Variants in GABRB1 observed in about 807,000 individuals in gnomAD.
The protein encoded by GABRB1 is gamma-aminobutyric acid type A receptor subunit beta1, also known as gamma-aminobutyric acid receptor subunit beta-1.
GABRB1 carries 17 observed loss-of-function variants against 51.6 expected under a neutral mutation model. The observed-to-expected ratio is 0.33, with a 90% CI of 0.23 to 0.49. GABRB1 has a LOEUF of 0.49. Ranked by LOEUF, GABRB1 falls within the 20% of genes least tolerant of loss-of-function variation. GABRB1 has a pLI of 0.99. For missense variants in GABRB1, 410 were observed against 600.6 expected (o/e 0.68, Z 3.32); for synonymous variants, 247 against 218.9 (o/e 1.13, Z -1.14).
At chr4:47,092,596 A>G (rs971480170) in intron 3 of GABRB1, among the ~76,000 whole-genome samples, 1 of 149,974 alleles carries the variant, frequency 6.7e-6, no homozygotes, top group African/African-American at 2.5e-5. Flanking sequence ...ATCAGTTGGC[A>G]TCCAGTTTCT....
At chr4:47,265,318 A>G (rs1339817829) in intron 4 of GABRB1, among the ~76,000 whole-genome samples, 1 of 152,170 alleles carries the variant, frequency 6.6e-6, no homozygotes, top group African/African-American at 2.4e-5. Flanking sequence ...CATGATATAT[A>G]TATATACATA....
At chr4:47,347,361 C>T (rs746036122) in intron 5 of GABRB1, among the ~76,000 whole-genome samples, 22 of 152,046 alleles carry the variant, frequency 1.4e-4, no homozygotes, top group Non-Finnish European at 2.5e-4. Flanking sequence ...TTCATTAATT[C>T]AGCCACATGA....
At position 47,162,798 on chromosome 4, in the gene GABRB1, C is replaced by A. The variant is rs1157824358; in HGVS notation, c.461+1329C>A. 3.3e-5 allele frequency among the ~76,000 whole-genome samples: 5 copies of A among 152,200 alleles called. No individual in the cohort carries two copies. In the South Asian group the frequency reaches 6.2e-4, roughly 19 times the overall value. ...TCAGGTTGTGCACCACTGCTTTAATCCCTTCGGAGCCAACCCAGTTCTTTG... is the reference window on the plus strand; with the variant it reads ...TCAGGTTGTGCACCACTGCTTTAATACCTTCGGAGCCAACCCAGTTCTTTG... On this transcript the variant is annotated intron_variant, in intron 4 of 8. Transcript: ENST00000295454.
intron 4 of GABRB1, among the ~76,000 whole-genome samples, chr4:47,234,646 A>G (rs1342838150): frequency 2.0e-5 from 3 of 152,206 alleles, no homozygotes; most frequent in African/African-American, 7.2e-5. Flanking sequence ...TATTGATGGT[A>G]AAACTGCCAT....
chr4:47,189,028 G>T (rs1217489816), intron 4 of GABRB1, among the ~76,000 whole-genome samples: 2 of 151,976 alleles, frequency 1.3e-5, no homozygotes, highest in Admixed American at 6.6e-5. Context: ...AGAAATAACT[G>T]CAGTTTAATG....
At chr4:47,395,022 C>T (rs1187121251) in intron 5 of GABRB1, among the ~76,000 whole-genome samples, 1 of 152,086 alleles carries the variant, frequency 6.6e-6, no homozygotes, top group African/African-American at 2.4e-5. Context: ...AAGGCTACCC[C>T]CTGCAATCCT....
rs144532495 is a variant in GABRB1 at position 47,425,791 on chromosome 4, G to T, written c.1198G>T (p.Ala400Ser). The change falls in exon 9 of 9, where the codon GCC (alanine) becomes TCC (serine). Residue 400 changes from alanine to serine, a missense_variant. Transcript: ENST00000295454. ...PKATMYSYDS[A>S]SIQYRKPLSS... ...GGCCACCATGTACTCCTATGACAGC[G>T]CCAGCATCCAGTACCGCAAGCCCCT... 1.9e-6 allele frequency: 3 copies of T among 1,613,992 alleles called. No homozygotes were observed. The African/African-American group carries it at 4.0e-5, about 22-fold the overall frequency.
At chr4:47,380,356 C>G (rs1727551025) in intron 5 of GABRB1, among the ~76,000 whole-genome samples, 1 of 152,106 alleles carries the variant, frequency 6.6e-6, no homozygotes, top group African/African-American at 2.4e-5. Context: ...AAAGAATTCC[C>G]AGGAGCACTG....
chr4:47,332,175 C>T (rs7683676), intron 5 of GABRB1, among the ~76,000 whole-genome samples: 4 of 152,024 alleles, frequency 2.6e-5, no homozygotes, highest in Non-Finnish European at 5.9e-5. Flanking sequence ...TTTAGAATAA[C>T]AATTATTTTG....
intron 4 of GABRB1, among the ~76,000 whole-genome samples, chr4:47,253,949 G>T (rs1214552559): frequency 6.6e-6 from 1 of 152,128 alleles, no homozygotes; most frequent in African/African-American, 2.4e-5. Context: ...CCATAAAATG[G>T]ATAACATCTC....
chr4:47,340,373 C>G (rs4695218), intron 5 of GABRB1, among the ~76,000 whole-genome samples: 115 of 150,214 alleles, frequency 7.7e-4, no homozygotes, highest in African/African-American at 2.7e-3. Flanking sequence ...AATGGCCTTT[C>G]CTCCACCATG....
intron 3 of GABRB1, among the ~76,000 whole-genome samples, chr4:47,109,636 C>T (rs899989403): frequency 3.4e-4 from 52 of 151,956 alleles, no homozygotes; most frequent in Admixed American, 3.3e-3. Flanking sequence ...AGGTTTTGGA[C>T]ATTTTGAATT....
chr4:47,205,246 G>A (rs1350632357), intron 4 of GABRB1, among the ~76,000 whole-genome samples: 3 of 152,096 alleles, frequency 2.0e-5, no homozygotes, highest in South Asian at 2.1e-4. Flanking sequence ...TAGAAAGAAG[G>A]CACTAATATA....
intron 3 of GABRB1, among the ~76,000 whole-genome samples, chr4:47,082,619 A>C (rs1727895610): frequency 6.6e-6 from 1 of 152,100 alleles, no homozygotes; most frequent in African/African-American, 2.4e-5. Flanking sequence ...AATGGGCTGG[A>C]AATCTATGGT....
chr4:47,253,759 A>G (rs1722078600), intron 4 of GABRB1, among the ~76,000 whole-genome samples: 1 of 152,236 alleles, frequency 6.6e-6, no homozygotes, highest in African/African-American at 2.4e-5. Flanking sequence ...CAGAAAAACT[A>G]ATAAAGGGAC....
At chr4:47,228,751 C>A (rs1323527266) in intron 4 of GABRB1, among the ~76,000 whole-genome samples, 4 of 152,078 alleles carry the variant, frequency 2.6e-5, no homozygotes, top group African/African-American at 9.7e-5. Flanking sequence ...TGATCTCGAG[C>A]TCTCAGAGTT....
intron 5 of GABRB1, among the ~76,000 whole-genome samples, chr4:47,350,284 TATAG>T (rs1391407246): frequency 5.0e-5 from 7 of 140,064 alleles, no homozygotes; most frequent in Admixed American, 1.4e-4. Context: ...TATATATATA[TATAG>T]AGAGAGAGAG....
At chr4:47,227,896 G>A (rs1721004556) in intron 4 of GABRB1, among the ~76,000 whole-genome samples, 2 of 152,052 alleles carry the variant, frequency 1.3e-5, no homozygotes, top group South Asian at 4.1e-4. Flanking sequence ...ATGCATCCCT[G>A]GAATCTTTCC....
At chr4:47,351,955 T>C (rs1194584529) in intron 5 of GABRB1, among the ~76,000 whole-genome samples, 1 of 152,042 alleles carries the variant, frequency 6.6e-6, no homozygotes, top group Non-Finnish European at 1.5e-5. Context: ...AAATGGTATT[T>C]CTAGTTCTAG....
Sources: gnomAD v4.1 joint callset for allele counts (sites outside exome capture counted in the v4.1 genomes callset) on GRCh38, gnomAD v4.1.1 for gene constraint, MANE v1.5 for transcripts, NCBI Gene and HGNC (gene_info 2026-07-23, HGNC 2026-07-21) for gene names.